The following PAWR variants were observed in gnomAD, a reference collection of about 807,000 sequenced individuals.
The protein encoded by PAWR is pro-apoptotic WT1 regulator, also known as PRKC apoptosis WT1 regulator protein.
In PAWR, 23 loss-of-function variants were observed where a neutral mutation model predicts 32.0. The observed-to-expected ratio is 0.72, with a 90% CI of 0.52 to 1.02. The LOEUF is 1.02. Among genes scored for constraint, PAWR ranks in the 50% least tolerant of loss-of-function variants. PAWR has a pLI of 0.00. For missense variants in PAWR, 457 were observed against 437.7 expected (o/e 1.04, Z -0.39); for synonymous variants, 226 against 187.1 (o/e 1.21, Z -1.70).
chr12:79,687,710 C>T (rs1340927616), intron 2 of PAWR, among the ~76,000 whole-genome samples: 1 of 152,006 alleles, frequency 6.6e-6, no homozygotes, highest in Non-Finnish European at 1.5e-5. Flanking sequence ...AGAAATGGCA[C>T]AATTCTAAAA....
At chr12:79,651,966 G>GT (rs1361359061) in intron 2 of PAWR, among the ~76,000 whole-genome samples, 3 of 152,154 alleles carry the variant, frequency 2.0e-5, no homozygotes, top group African/African-American at 7.2e-5. Flanking sequence ...CACCTTTGAA[G>GT]ACATTATGCT....
At chr12:79,611,377 C>A (rs1874435641) in intron 4 of PAWR, among the ~76,000 whole-genome samples, 2 of 150,124 alleles carry the variant, frequency 1.3e-5, no homozygotes, top group African/African-American at 4.9e-5. Flanking sequence ...ATTAGGTTTA[C>A]TGAAAATATT....
intron 4 of PAWR, among the ~76,000 whole-genome samples, chr12:79,608,938 G>C (rs1289589989): frequency 6.6e-6 from 1 of 152,124 alleles, no homozygotes; most frequent in African/African-American, 2.4e-5. Flanking sequence ...CCAGCTACTT[G>C]GGAGGCTGTG....
At chr12:79,621,679 T>C (rs1253052751) in intron 2 of PAWR, among the ~76,000 whole-genome samples, 1 of 152,150 alleles carries the variant, frequency 6.6e-6, no homozygotes, top group Non-Finnish European at 1.5e-5. Context: ...AGGAAGAGTA[T>C]TTTTACCTGG....
In PAWR at chr12:79,650,015, A is replaced by T. The variant is rs150939936; in HGVS notation, c.517-28808T>A. Among the ~76,000 whole-genome samples, 622 of 152,270 alleles carry T rather than the reference A, an allele frequency of 4.1e-3. 12 individuals carry two copies. The highest frequency in any genetic ancestry group is 0.014 in the African/African-American group (590 of 41,554). ...GTTCACAATAGGGTTTGTGCTCCTA[A>T]GAAAATCTAATGCCACTGCTGATCT... On this transcript the variant is annotated intron_variant, in intron 2 of 6. Coordinates refer to ENST00000328827, the MANE Select transcript of PAWR (RefSeq NM_002583.4).
Position 79,690,344 on chromosome 12 carries a change from C to A in PAWR, c.-100G>T, listed in dbSNP as rs1437662497. On this transcript the variant is annotated 5_prime_UTR_variant, in exon 2 of 7. Transcript: ENST00000328827. ...CTGCGGCCCCGAGGATGCCAGGAGA[C>A]GACCTCCAGGAGAGGGACGGCCGCC... is the stretch of plus-strand genomic sequence containing the variant. 1.5e-6 allele frequency: 2 copies of A among 1,356,412 alleles called. No individual in the cohort carries two copies. The highest frequency in any genetic ancestry group is 1.9e-6 in the Non-Finnish European group (2 of 1,058,746). The allele number at this position is 1,356,412 out of a possible 1,614,324, so 84.0% of individuals were successfully genotyped here. A position where few individuals can be genotyped will look rare whatever the true frequency, so the allele number is the denominator to read the frequency against.
At chr12:79,687,175 A>C (rs1187827939) in intron 2 of PAWR, among the ~76,000 whole-genome samples, 1 of 152,210 alleles carries the variant, frequency 6.6e-6, no homozygotes. Flanking sequence ...GGATAGATCG[A>C]CTTCAGCCAT....
At chr12:79,622,165 G>A (rs1875053629) in intron 2 of PAWR, among the ~76,000 whole-genome samples, 2 of 152,050 alleles carry the variant, frequency 1.3e-5, no homozygotes, top group Admixed American at 1.3e-4. Context: ...AAACACTGAA[G>A]CCATTGTGCA....
chr12:79,655,954 G>C (rs560284851), intron 2 of PAWR, among the ~76,000 whole-genome samples: 1 of 152,312 alleles, frequency 6.6e-6, no homozygotes, highest in East Asian at 1.9e-4. Flanking sequence ...CCCAGATCCG[G>C]GATCAAGAAA....
intron 2 of PAWR, among the ~76,000 whole-genome samples, chr12:79,643,498 A>C (rs1876431035): frequency 6.6e-6 from 1 of 152,188 alleles, no homozygotes; most frequent in Non-Finnish European, 1.5e-5. Flanking sequence ...ACAACACTTG[A>C]AAGACATTTC....
chr12:79,592,630 C>T lies in PAWR; in HGVS notation c.1000G>A (p.Val334Ile), dbSNP rs994127424. Reference protein sequence around the residue: ...LKQENKTLLKVVGQLTR With the variant: ...LKQENKTLLKIVGQLTR Reference sequence around the variant, plus strand: ...CTCTACCTGGTCAGCTGACCCACAACTTTCAAAAGAGTTTTATTTTCCTGC... The same window carrying T: ...CTCTACCTGGTCAGCTGACCCACAATTTTCAAAAGAGTTTTATTTTCCTGC... The change falls in exon 7 of 7, where the codon GTT (valine) becomes ATT (isoleucine). Residue 334 changes from valine (V) to isoleucine (I), a missense_variant. Coordinates refer to ENST00000328827, the MANE Select transcript of PAWR (RefSeq NM_002583.4). 2.6e-6 allele frequency: 2 copies of T among 769,374 alleles called. No homozygotes were observed. Among genetic ancestry groups the T allele is most frequent in the Non-Finnish European group, 4.8e-6 (2 of 415,752 alleles). 47.7% of individuals were successfully genotyped at this position (769,374 alleles called of 1,614,324 possible).
intron 2 of PAWR, among the ~76,000 whole-genome samples, chr12:79,659,417 T>G (rs759204229): frequency 1.3e-5 from 2 of 152,220 alleles, no homozygotes; most frequent in Non-Finnish European, 2.9e-5. Flanking sequence ...TCATATACTT[T>G]AACATAAATA....
At chr12:79,636,370 A>G (rs1875961991) in intron 2 of PAWR, among the ~76,000 whole-genome samples, 1 of 152,148 alleles carries the variant, frequency 6.6e-6, no homozygotes, top group South Asian at 2.1e-4. Flanking sequence ...GGAGAAGAGT[A>G]TAACTTTTAC....
Position 79,630,315 on chromosome 12 carries a change from AT to A in PAWR, c.517-9109del, listed in dbSNP as rs60905491. On this transcript the variant is annotated intron_variant, in intron 2 of 6. Coordinates refer to ENST00000328827, the MANE Select transcript of PAWR (RefSeq NM_002583.4). ...TTGTGCCACTAATATATATATATAT[AT>A]TTTTTTTGAGACAGTCTCAGTCACC... Among the ~76,000 whole-genome samples the A allele has an allele frequency of 1.9e-3, 280 of 150,924 alleles. 1 individual carries two copies. Among genetic ancestry groups the A allele is most frequent in the Middle Eastern group, 6.9e-3 (2 of 290 alleles).
At chr12:79,633,833 T>A (rs1875831165) in intron 2 of PAWR, among the ~76,000 whole-genome samples, 1 of 152,184 alleles carries the variant, frequency 6.6e-6, no homozygotes, top group Non-Finnish European at 1.5e-5. Context: ...TCAAGTGAGA[T>A]AATGACATTG....
intron 2 of PAWR, among the ~76,000 whole-genome samples, chr12:79,682,682 G>A (rs1878500777): frequency 6.6e-6 from 1 of 152,190 alleles, no homozygotes; most frequent in Admixed American, 6.5e-5. Context: ...ATGGTGCCCT[G>A]TGTATTTTTA....
At chr12:79,687,098 A>G (rs941111460) in intron 2 of PAWR, among the ~76,000 whole-genome samples, 2 of 152,230 alleles carry the variant, frequency 1.3e-5, no homozygotes, top group African/African-American at 2.4e-5. Flanking sequence ...TAGAAAATGT[A>G]AAAATTTAGA....
intron 2 of PAWR, among the ~76,000 whole-genome samples, chr12:79,625,367 TA>T (rs1179037210): frequency 6.6e-6 from 1 of 152,128 alleles, no homozygotes; most frequent in African/African-American, 2.4e-5. Context: ...AGCTGAATTT[TA>T]TCCAAATTTG....
chr12:79,687,868 T>G (rs1469124382), intron 2 of PAWR, among the ~76,000 whole-genome samples: 1 of 152,152 alleles, frequency 6.6e-6, no homozygotes, highest in Non-Finnish European at 1.5e-5. Context: ...TGTCTGTTAA[T>G]TAGATACTGT....
Sources: allele counts gnomAD v4.1 joint callset (sites outside exome capture counted in the v4.1 genomes callset), GRCh38; gene constraint gnomAD v4.1.1; transcripts MANE v1.5; gene names NCBI Gene and HGNC (gene_info 2026-07-23, HGNC 2026-07-21).